ZNF804B: variants seen among roughly 807,000 people sequenced by gnomAD.
ZNF804B encodes the protein zinc finger 804B.
ZNF804B carries 80 observed loss-of-function variants against 101.4 expected under a neutral mutation model. The observed-to-expected ratio is 0.79, with a 90% confidence interval of 0.66 to 0.95. ZNF804B has a LOEUF of 0.95. ZNF804B is among the 40% of genes least tolerant of loss of function. ZNF804B has a pLI of 0.00. For missense variants in ZNF804B, 1,673 were observed against 1,561.9 expected, an observed-to-expected ratio of 1.07 and a Z score of -1.20; for synonymous variants, 622 against 558.8, an observed-to-expected ratio of 1.11 and a Z score of -1.59.
chr7:88,924,332 T>C (rs1792764484), intron 1 of ZNF804B, among the ~76,000 whole-genome samples: 1 of 152,152 alleles, frequency 6.6e-6, no homozygotes, highest in South Asian at 2.1e-4. Context: ...CATGATACCT[T>C]GAGCATGTGT....
chr7:88,785,555 G>T (rs530863525), intron 1 of ZNF804B, among the ~76,000 whole-genome samples: 20 of 152,018 alleles, frequency 1.3e-4, no homozygotes, highest in Admixed American at 1.2e-3. Flanking sequence ...AAATAAAACT[G>T]CTTTCCATTT....
chr7:89,007,478 A>ATATATC (rs1788384179), intron 1 of ZNF804B, among the ~76,000 whole-genome samples: 1 of 90,842 alleles, frequency 1.1e-5, no homozygotes, highest in African/African-American at 4.4e-5. Context: ...ATATATATAT[A>ATATATC]TATATATGTC....
chr7:88,905,366 GT>G (rs910800763), intron 1 of ZNF804B, among the ~76,000 whole-genome samples: 7 of 146,378 alleles, frequency 4.8e-5, no homozygotes, highest in Non-Finnish European at 4.5e-5. Flanking sequence ...TTTGTTTTTT[GT>G]TTTTTTTTTA....
At chr7:88,880,145 A>G (rs1792011210) in intron 1 of ZNF804B, among the ~76,000 whole-genome samples, 1 of 152,206 alleles carries the variant, frequency 6.6e-6, no homozygotes, top group African/African-American at 2.4e-5. Context: ...AGCAACTGAT[A>G]TGAAAGATAA....
At chr7:89,171,405 TCTTCTTCTTCTTCTC>T (rs879899609) in intron 1 of ZNF804B, among the ~76,000 whole-genome samples, 21,209 of 146,604 alleles carry the variant, frequency 0.14, 2,588 homozygotes, top group Non-Finnish European at 0.17. Flanking sequence ...CTCTTCTTCT[TCTTCTTCTTCTTCTC>T]CTTCTCCTTC....
chr7:89,054,001 T>C (rs1337603315), intron 1 of ZNF804B, among the ~76,000 whole-genome samples: 1 of 152,038 alleles, frequency 6.6e-6, no homozygotes, highest in African/African-American at 2.4e-5. Flanking sequence ...TTAACCTCTT[T>C]TAACCTGCAC....
intron 1 of ZNF804B, among the ~76,000 whole-genome samples, chr7:88,906,731 T>C (rs1371840317): frequency 6.6e-6 from 1 of 152,120 alleles, no homozygotes; most frequent in African/African-American, 2.4e-5. Context: ...GAGTGTTCTA[T>C]AGGTGTCTAC....
chr7:89,092,926 T>C (rs1416985374), intron 1 of ZNF804B, among the ~76,000 whole-genome samples: 1 of 152,176 alleles, frequency 6.6e-6, no homozygotes, highest in Non-Finnish European at 1.5e-5. Flanking sequence ...GTTACTGAGG[T>C]ATTGTTGCTT....
intron 1 of ZNF804B, among the ~76,000 whole-genome samples, chr7:88,948,103 C>T (rs1368794996): frequency 6.6e-6 from 1 of 151,666 alleles, no homozygotes; most frequent in Non-Finnish European, 1.5e-5. Flanking sequence ...GTAAAAGGGC[C>T]CAGGAGACTT....
chr7:88,952,015 A>C (rs1294510788), intron 1 of ZNF804B, among the ~76,000 whole-genome samples: 1 of 151,836 alleles, frequency 6.6e-6, no homozygotes, highest in African/African-American at 2.4e-5. Flanking sequence ...GCTTAAGAGA[A>C]TATTCATTTA....
At chr7:89,281,732 G>A (rs1790098670) in intron 2 of ZNF804B, among the ~76,000 whole-genome samples, 1 of 152,110 alleles carries the variant, frequency 6.6e-6, no homozygotes, top group Non-Finnish European at 1.5e-5. Flanking sequence ...GAAGTGTAGT[G>A]GTTGGATCAT....
At chr7:89,167,236 G>C (rs967764797) in intron 1 of ZNF804B, among the ~76,000 whole-genome samples, 1 of 151,068 alleles carries the variant, frequency 6.6e-6, no homozygotes, top group African/African-American at 2.4e-5. Context: ...AAGAGTTCGA[G>C]ACCAGCCTGG....
intron 1 of ZNF804B, among the ~76,000 whole-genome samples, chr7:89,169,164 G>A (rs1309715757): frequency 6.6e-6 from 1 of 152,112 alleles, no homozygotes; most frequent in Admixed American, 6.5e-5. Context: ...GAAAGTCAAT[G>A]GCAGGTCTGT....
At chr7:89,027,176 A>T (rs1349995639) in intron 1 of ZNF804B, among the ~76,000 whole-genome samples, 1 of 152,136 alleles carries the variant, frequency 6.6e-6, no homozygotes, top group African/African-American at 2.4e-5. Context: ...TTGTATAAAA[A>T]GCAAATCATT....
At chr7:89,278,357 A>G (rs887768657) in intron 2 of ZNF804B, among the ~76,000 whole-genome samples, 1 of 151,386 alleles carries the variant, frequency 6.6e-6, no homozygotes, top group Non-Finnish European at 1.5e-5. Context: ...TAGTTTAATT[A>G]GATCCCATTT....
chr7:89,304,675 T>G (rs1406537946), intron 2 of ZNF804B, among the ~76,000 whole-genome samples: 1 of 151,952 alleles, frequency 6.6e-6, no homozygotes, highest in African/African-American at 2.4e-5. Flanking sequence ...GATTGTATTT[T>G]AGGAGAACCT....
rs1217157452 is a variant in ZNF804B at position 89,334,803 on chromosome 7, G to A, written c.1821G>A (p.Arg607=). Reference sequence around the variant, plus strand: ...AGAACAAACTTAAGGAAGCTTCAAGGGCCCATTGGCAAGGCTGCAGAAAGG... The same window carrying A: ...AGAACAAACTTAAGGAAGCTTCAAGAGCCCATTGGCAAGGCTGCAGAAAGG... The part of the protein sequence containing the change: ...SSENKLKEAS[R]AHWQGCRKAV... The change falls in exon 4 of 4, where the codon AGG becomes AGA. Residue 607 remains arginine, a synonymous_variant. Coordinates refer to ENST00000333190, the MANE Select transcript of ZNF804B (RefSeq NM_181646.5). 1.2e-6 allele frequency: 2 copies of A among 1,613,756 alleles called. No individual in the cohort carries two copies. The highest frequency in any genetic ancestry group is 1.7e-6 in the Non-Finnish European group (2 of 1,179,852).
chr7:89,179,726 G>A (rs1019872183), intron 1 of ZNF804B, among the ~76,000 whole-genome samples: 2 of 152,124 alleles, frequency 1.3e-5, no homozygotes, highest in African/African-American at 4.8e-5. Flanking sequence ...GGGCATTGAC[G>A]ACTTATGTAT....
At chr7:89,209,676 C>T (rs1306714836) in intron 1 of ZNF804B, among the ~76,000 whole-genome samples, 1 of 152,130 alleles carries the variant, frequency 6.6e-6, no homozygotes, top group Non-Finnish European at 1.5e-5. Flanking sequence ...GTCTAATTCT[C>T]CGTGATATGA....
Sources: allele counts gnomAD v4.1 joint callset (sites outside exome capture counted in the v4.1 genomes callset), GRCh38; gene constraint gnomAD v4.1.1; transcripts MANE v1.5; gene names NCBI Gene and HGNC (gene_info 2026-07-23, HGNC 2026-07-21).